Variants in RERE observed in about 807,000 individuals in gnomAD.
RERE encodes arginine-glutamic acid dipeptide repeats protein.
A neutral mutation model predicts 146.1 loss-of-function variants in RERE; 40 were observed. The observed-to-expected ratio is 0.27, with a 90% CI of 0.21 to 0.36. The LOEUF is 0.36. Ranked by LOEUF, RERE falls within the 10% of genes least tolerant of loss-of-function variation. The probability of loss-of-function intolerance (pLI) is 1.00; values close to 1 mark genes in which losing one functional copy is unlikely to be tolerated. For missense variants in RERE, 1,933 were observed against 2,138.7 expected (o/e 0.90, Z 1.90); for synonymous variants, 1,003 against 866.0 (o/e 1.16, Z -2.78).
chr1:8,664,322 C>T (rs1239556857), intron 1 of RERE, among the ~76,000 whole-genome samples: 2 of 152,150 alleles, frequency 1.3e-5, no homozygotes, highest in African/African-American at 4.8e-5. Flanking sequence ...ACTAGGCCAA[C>T]CAGTGTAGAA....
intron 4 of RERE, among the ~76,000 whole-genome samples, chr1:8,596,643 G>A (rs1017537645): frequency 1.3e-5 from 2 of 150,278 alleles, no homozygotes; most frequent in African/African-American, 4.9e-5. Flanking sequence ...CAAGTAGTTG[G>A]GACTATAGCC....
chr1:8,709,538 A>G (rs1639626356), intron 1 of RERE, among the ~76,000 whole-genome samples: 1 of 152,214 alleles, frequency 6.6e-6, no homozygotes, highest in South Asian at 2.1e-4. Context: ...GCACATATAC[A>G]TAAAAACATA....
chr1:8,501,451 T>G, intron 8 of RERE, among the ~76,000 whole-genome samples: 1 of 56,424 alleles, frequency 1.8e-5, no homozygotes, highest in Admixed American at 1.7e-4. Flanking sequence ...CGGCCGCCCC[T>G]ACTGGGAAGT....
At chr1:8,475,687 GA>G (rs896072847) in intron 10 of RERE, among the ~76,000 whole-genome samples, 78 of 104,816 alleles carry the variant, frequency 7.4e-4, no homozygotes, top group Admixed American at 8.8e-4. Context: ...TGTCTCAAGA[GA>G]AAAAAAAAAA....
intron 3 of RERE, among the ~76,000 whole-genome samples, chr1:8,621,977 G>C (rs1054999391): frequency 6.6e-6 from 1 of 152,200 alleles, no homozygotes; most frequent in Non-Finnish European, 1.5e-5. Flanking sequence ...ATGAGGATGT[G>C]CTGAATACAG....
At chr1:8,612,849 G>A (rs938450204) in intron 4 of RERE, among the ~76,000 whole-genome samples, 57 of 152,148 alleles carry the variant, frequency 3.7e-4, no homozygotes, top group Non-Finnish European at 7.9e-4. Context: ...CCCGTAAGAT[G>A]TCAGTCTTTC....
rs372342722 is a variant in RERE, at chr1:8,357,199, C to T, written c.4340-953G>A. Among the ~76,000 whole-genome samples the T allele has an allele frequency of 6.0e-4, 91 of 152,376 alleles. 1 individual carries two copies. In the South Asian group the frequency reaches 6.4e-3, roughly 11 times the overall value. ...GTTCTGCCAGCACCTACAACTGTGC[C>T]TGGCACATTCCAGGGGTTCAGTAAA... On this transcript the variant is annotated intron_variant, in intron 20 of 22. Transcript: ENST00000400908.
intron 1 of RERE, among the ~76,000 whole-genome samples, chr1:8,665,793 T>C (rs910322734): frequency 6.6e-6 from 1 of 152,186 alleles, no homozygotes; most frequent in African/African-American, 2.4e-5. Context: ...TAATCTTCAC[T>C]ATAACAAAGG....
chr1:8,479,210 C>T (rs1361103752), intron 10 of RERE, among the ~76,000 whole-genome samples: 2 of 151,906 alleles, frequency 1.3e-5, no homozygotes, highest in African/African-American at 4.8e-5. Flanking sequence ...CACAGTGAGC[C>T]CCTGTCTCTA....
chr1:8,531,559 T>C (rs1489311455), intron 7 of RERE, among the ~76,000 whole-genome samples: 1 of 152,224 alleles, frequency 6.6e-6, no homozygotes, highest in African/African-American at 2.4e-5. Context: ...TAAATGTTCA[T>C]TTTTTCATTT....
chr1:8,747,063 G>A (rs1356795019), intron 1 of RERE, among the ~76,000 whole-genome samples: 1 of 151,810 alleles, frequency 6.6e-6, no homozygotes, highest in Non-Finnish European at 1.5e-5. Context: ...CCAGGCTGGA[G>A]CGATCTTGGC....
chr1:8,471,517 CTTTTTTT>C (rs35144697), intron 10 of RERE, among the ~76,000 whole-genome samples: 2 of 132,360 alleles, frequency 1.5e-5, no homozygotes, highest in Non-Finnish European at 3.2e-5. Context: ...CCCGGGGTTG[CTTTTTTT>C]TTTTTTTTTG....
At chr1:8,387,928 CATGTGTGCCAGTTG>C (rs1294018965) in intron 12 of RERE, among the ~76,000 whole-genome samples, 1 of 152,312 alleles carries the variant, frequency 6.6e-6, no homozygotes, top group East Asian at 1.9e-4. Context: ...AATTCGTGTG[CATGTGTGCCAGTTG>C]ATGTGTGCAA....
In RERE at chr1:8,360,976, G is replaced by T; in HGVS notation, c.2531C>A (p.Pro844His). The T allele has an allele frequency of 6.9e-7, 1 of 1,446,356 alleles. No homozygotes were observed. Among genetic ancestry groups the T allele is most frequent in the Non-Finnish European group, 9.0e-7 (1 of 1,106,968 alleles). 89.6% of individuals were successfully genotyped at this position (1,446,356 alleles called of 1,614,324 possible). ...GQPSAPSHAQ[P>H]PLHGQGPPGP... ...GGGTGGGCCCTGACCGTGCAGTGGG[G>T]GCTGGGCATGAGAGGGTGCAGAAGG... The change falls in exon 18 of 23, where the codon CCC becomes CAC. Residue 844 changes from proline (P) to histidine (H), a missense_variant. Transcript: ENST00000400908.
At chr1:8,649,590 C>T (rs968171254) in intron 2 of RERE, among the ~76,000 whole-genome samples, 2 of 151,976 alleles carry the variant, frequency 1.3e-5, no homozygotes. Flanking sequence ...ATTAGCCGGG[C>T]GTGGTGTCAC....
In RERE at chr1:8,543,391, T is replaced by C. The variant is rs962105185; in HGVS notation, c.726-2073A>G. ...ATAGAGATAACACCTACTGCACTTA[T>C]AAAGACAAAGCCTACAAAACTCTAC... On this transcript the variant is annotated intron_variant, in intron 6 of 22. Coordinates refer to ENST00000400908, the MANE Select transcript of RERE (RefSeq NM_001042681.2). 2.6e-5 allele frequency among the ~76,000 whole-genome samples: 4 copies of C among 152,296 alleles called. No homozygotes were observed. The East Asian group carries it at 5.8e-4, about 22-fold the overall frequency.
chr1:8,610,970 G>T (rs1220552685), intron 4 of RERE, among the ~76,000 whole-genome samples: 9 of 151,582 alleles, frequency 5.9e-5, no homozygotes, highest in African/African-American at 2.2e-4. Context: ...CTAGGTGGGG[G>T]GATCATGAGG....
intron 7 of RERE, among the ~76,000 whole-genome samples, chr1:8,537,930 T>A (rs560109657): frequency 2.6e-5 from 4 of 152,246 alleles, no homozygotes; most frequent in South Asian, 2.1e-4. Context: ...GTGAAAAAAA[T>A]TCCAAAATTT....
intron 17 of RERE, 61 bp from the exon 18 acceptor site, chr1:8,361,551 C>T (rs535860026): frequency 1.3e-6 from 2 of 1,573,120 alleles, no homozygotes; most frequent in African/African-American, 2.7e-5. Flanking sequence ...CTGCTCTGCA[C>T]CACCAGTGCC....
Sources: allele counts gnomAD v4.1 joint callset (sites outside exome capture counted in the v4.1 genomes callset), GRCh38; gene constraint gnomAD v4.1.1; transcripts MANE v1.5; gene names NCBI Gene and HGNC (gene_info 2026-07-23, HGNC 2026-07-21).